Variants in RNF6 observed in about 807,000 individuals in gnomAD.
RNF6 encodes E3 ubiquitin-protein ligase RNF6.
In RNF6, 21 loss-of-function variants were observed where a neutral mutation model predicts 50.1. The ratio of observed to expected loss-of-function variants is 0.42; its 90% CI spans 0.30 to 0.60. RNF6 has a LOEUF of 0.60. RNF6 is among the 20% of genes least tolerant of loss of function. The pLI is 0.20. For synonymous variants in RNF6, 255 were observed against 291.8 expected (o/e 0.87, Z 1.29); for missense variants, 698 against 838.2 (o/e 0.83, Z 2.07).
intron 5 of RNF6, among the ~76,000 whole-genome samples, chr13:26,172,831 C>T (rs1364425861): frequency 6.6e-6 from 1 of 152,046 alleles, no homozygotes; most frequent in African/African-American, 2.4e-5. Flanking sequence ...GCGTGAGCCA[C>T]CGCACCCGGC....
intron 5 of RNF6, among the ~76,000 whole-genome samples, chr13:26,202,118 G>A (rs34238147): frequency 0.2 from 29,835 of 152,116 alleles, 3,436 homozygotes; most frequent in East Asian, 0.4. Flanking sequence ...TTGGAGAACC[G>A]AGGCCTGTTT....
chr13:26,148,343 A>G (rs1392234096), intron 5 of RNF6, among the ~76,000 whole-genome samples: 7 of 151,978 alleles, frequency 4.6e-5, no homozygotes, highest in Non-Finnish European at 8.8e-5. Flanking sequence ...CCACACAGGT[A>G]CCCAGATCCT....
intron 5 of RNF6, among the ~76,000 whole-genome samples, chr13:26,141,497 T>C (rs1036944064): frequency 2.0e-5 from 3 of 150,266 alleles, no homozygotes; most frequent in Non-Finnish European, 4.4e-5. Flanking sequence ...AAGGCTACAG[T>C]AACCAAAACA....
chr13:26,136,941 G>A (rs1870674237), intron 5 of RNF6, among the ~76,000 whole-genome samples: 1 of 152,164 alleles, frequency 6.6e-6, no homozygotes, highest in Non-Finnish European at 1.5e-5. Flanking sequence ...ATCTTGGTAA[G>A]AGCTGTGAGC....
At chr13:26,196,892 G>A (rs1379686175) in intron 5 of RNF6, among the ~76,000 whole-genome samples, 1 of 151,930 alleles carries the variant, frequency 6.6e-6, no homozygotes, top group Non-Finnish European at 1.5e-5. Context: ...ATTATAAGGT[G>A]AGTGTATAAT....
intron 5 of RNF6, among the ~76,000 whole-genome samples, chr13:26,198,660 G>T (rs555171088): frequency 7.9e-5 from 12 of 151,566 alleles, no homozygotes; most frequent in African/African-American, 2.9e-4. Context: ...GTGTTAAAAA[G>T]TTAAAAAAAA....
At chr13:26,172,379 A>G (rs1423675825) in intron 5 of RNF6, among the ~76,000 whole-genome samples, 2 of 152,198 alleles carry the variant, frequency 1.3e-5, no homozygotes, top group Admixed American at 6.5e-5. Context: ...TCAAAAGAAA[A>G]CATTGGTGAC....
chr13:26,209,793 A>ATATATATG (rs1869247211), downstream of RNF6, among the ~76,000 whole-genome samples: 1 of 152,076 alleles, frequency 6.6e-6, no homozygotes, highest in Admixed American at 6.6e-5. Flanking sequence ...TGAGATATAT[A>ATATATATG]TATATATACT....
At chr13:26,140,125 T>G (rs780037981) in intron 5 of RNF6, among the ~76,000 whole-genome samples, 10 of 152,260 alleles carry the variant, frequency 6.6e-5, no homozygotes, top group Non-Finnish European at 1.2e-4. Flanking sequence ...GGATGGGGAT[T>G]AATATAGACA....
At chr13:26,132,435 C>T in exon 6 of RNF6, 1 of 460,398 alleles carries the variant, frequency 2.2e-6, no homozygotes, top group South Asian at 1.5e-5. Flanking sequence ...AGCACTTCAG[C>T]TTGTATCTGG....
At chr13:26,196,262 A>T (rs553700556) in intron 5 of RNF6, among the ~76,000 whole-genome samples, 2 of 152,354 alleles carry the variant, frequency 1.3e-5, no homozygotes, top group East Asian at 3.9e-4. Flanking sequence ...AGTCAAAAGT[A>T]TAAAATCATT....
At chr13:26,217,633 A>G (rs1042565635) in intron 4 of RNF6, among the ~76,000 whole-genome samples, 2 of 152,254 alleles carry the variant, frequency 1.3e-5, no homozygotes, top group Non-Finnish European at 2.9e-5. Context: ...ATCTTTCTGA[A>G]GTAATGAGTA....
At chr13:26,183,611 C>A (rs1873342457) in intron 5 of RNF6, among the ~76,000 whole-genome samples, 1 of 152,090 alleles carries the variant, frequency 6.6e-6, no homozygotes, top group South Asian at 2.1e-4. Flanking sequence ...GATTCTGAAA[C>A]ATATTACTTT....
exon 6 of RNF6, chr13:26,132,270 T>C (rs1870426340): frequency 3.2e-6 from 1 of 312,620 alleles, no homozygotes; most frequent in African/African-American, 2.2e-5. Context: ...AATGTTGTCA[T>C]ATTCTATGTT....
intron 5 of RNF6, among the ~76,000 whole-genome samples, chr13:26,133,471 G>A (rs539759356): frequency 5.9e-5 from 9 of 152,260 alleles, no homozygotes; most frequent in Non-Finnish European, 1.0e-4. Flanking sequence ...TAGCTGTTTG[G>A]TTATGTTCCC....
chr13:26,209,783 T>TGA (rs1424941125), downstream of RNF6, among the ~76,000 whole-genome samples: 10 of 144,194 alleles, frequency 6.9e-5, no homozygotes, highest in East Asian at 2.3e-4. Context: ...TGAGAAGATG[T>TGA]GAGATATATA....
chr13:26,219,736 C>T, intron 2 of RNF6, 69 bp from the exon 3 acceptor site: 1 of 1,375,226 alleles, frequency 7.3e-7, no homozygotes, highest in East Asian at 2.3e-5. Flanking sequence ...GTATTTTTAA[C>T]TTGCAGTTTT....
intron 5 of RNF6, among the ~76,000 whole-genome samples, chr13:26,191,223 G>C (rs301069): frequency 0.98 from 149,646 of 151,936 alleles, 73,742 homozygotes; most frequent in East Asian, 1. Context: ...ATGGCTAAGG[G>C]ACATTCTTAT....
chr13:26,219,964 C>T (rs534732119), intron 2 of RNF6, among the ~76,000 whole-genome samples: 1 of 152,280 alleles, frequency 6.6e-6, no homozygotes, highest in African/African-American at 2.4e-5. Flanking sequence ...ACCATGTTGA[C>T]GATCTGGAAA....
Sources: allele counts gnomAD v4.1 joint callset (sites outside exome capture counted in the v4.1 genomes callset), GRCh38; gene constraint gnomAD v4.1.1; transcripts MANE v1.5; gene names NCBI Gene and HGNC (gene_info 2026-07-23, HGNC 2026-07-21).